The following TMEM132D variants were observed in gnomAD, a reference collection of about 807,000 sequenced individuals.
TMEM132D encodes the protein mature OL transmembrane protein.
TMEM132D carries 21 observed loss-of-function variants against 62.3 expected under a neutral mutation model. That is an observed-to-expected ratio of 0.34 (90% CI 0.24 to 0.49). The LOEUF is 0.49. Ranked by LOEUF, TMEM132D falls within the 20% of genes least tolerant of loss-of-function variation. The pLI is 0.99. For synonymous variants in TMEM132D, 621 were observed against 575.6 expected (o/e 1.08, Z -1.13); for missense variants, 1,346 against 1,402.8 (o/e 0.96, Z 0.65).
intron 8 of TMEM132D, among the ~76,000 whole-genome samples, chr12:129,077,498 T>TTTGTAAGCCATTGTATCCACATAC (rs2135609010): frequency 6.6e-6 from 1 of 152,066 alleles, no homozygotes; most frequent in East Asian, 1.9e-4. Context: ...AAAGGTCCCC[T>TTTGTAAGCCATTGTATCCACATAC]ATAACAGTCC....
chr12:129,193,425 A>G (rs1878464798), intron 5 of TMEM132D, among the ~76,000 whole-genome samples: 1 of 152,182 alleles, frequency 6.6e-6, no homozygotes, highest in Non-Finnish European at 1.5e-5. Flanking sequence ...CAGGCAGGTT[A>G]GAAACCCAGA....
intron 3 of TMEM132D, among the ~76,000 whole-genome samples, chr12:129,342,718 C>T (rs1869536838): frequency 6.6e-6 from 1 of 152,012 alleles, no homozygotes; most frequent in South Asian, 2.1e-4. Context: ...AGAACTCAAA[C>T]AAACTTACAA....
intron 3 of TMEM132D, among the ~76,000 whole-genome samples, chr12:129,399,045 T>G (rs976301812): frequency 1.3e-5 from 2 of 152,182 alleles, no homozygotes; most frequent in Non-Finnish European, 2.9e-5. Context: ...CATGGCAGGA[T>G]GTGGAAGGGC....
intron 1 of TMEM132D, among the ~76,000 whole-genome samples, chr12:129,763,890 A>G (rs1176539601): frequency 6.6e-6 from 1 of 152,182 alleles, no homozygotes; most frequent in Non-Finnish European, 1.5e-5. Flanking sequence ...AACCAAATTA[A>G]GAATCGAGAG....
intron 3 of TMEM132D, among the ~76,000 whole-genome samples, chr12:129,461,122 A>C (rs1482812691): frequency 6.6e-6 from 1 of 152,242 alleles, no homozygotes; most frequent in African/African-American, 2.4e-5. Context: ...TGGGGACCAC[A>C]GTCAACATGA....
At chr12:129,488,972 C>G (rs908642794) in intron 3 of TMEM132D, among the ~76,000 whole-genome samples, 2 of 152,148 alleles carry the variant, frequency 1.3e-5, no homozygotes, top group Non-Finnish European at 2.9e-5. Flanking sequence ...GTTCATGGGC[C>G]AAGGCTAAAG....
At chr12:129,620,219 C>T (rs771492522) in intron 2 of TMEM132D, among the ~76,000 whole-genome samples, 1 of 152,300 alleles carries the variant, frequency 6.6e-6, no homozygotes, top group South Asian at 2.1e-4. Flanking sequence ...CTGGAATTAC[C>T]GTGGCAGCCA....
rs1593070478 is a variant in TMEM132D at position 129,572,195 on chromosome 12, A to T, written c.969-40990T>A. On this transcript the variant is annotated intron_variant, in intron 2 of 8. Transcript: ENST00000422113. Reference sequence around the variant, plus strand: ...GGCACAGTCACATTTTAGGTGAACTAGAGTCACGTAGATTTGAGAGAAGGC... The same window carrying T: ...GGCACAGTCACATTTTAGGTGAACTTGAGTCACGTAGATTTGAGAGAAGGC... Among the ~76,000 whole-genome samples, 3 of 152,226 alleles carry T rather than the reference A, an allele frequency of 2.0e-5. 1 individual carries two copies. The East Asian group carries it at 5.8e-4, about 29-fold the overall frequency.
chr12:129,393,368 G>A (rs573903299), intron 3 of TMEM132D, among the ~76,000 whole-genome samples: 2 of 152,292 alleles, frequency 1.3e-5, no homozygotes, highest in East Asian at 3.9e-4. Context: ...CATCTTTTCT[G>A]GGGGGCAACT....
At chr12:129,106,176 C>T (rs1295419858) in intron 5 of TMEM132D, among the ~76,000 whole-genome samples, 1 of 150,040 alleles carries the variant, frequency 6.7e-6, no homozygotes, top group African/African-American at 2.5e-5. Context: ...AACAAAAAAC[C>T]AAACACCGCA....
At chr12:129,250,863 C>A (rs1163424480) in intron 4 of TMEM132D, among the ~76,000 whole-genome samples, 1 of 152,054 alleles carries the variant, frequency 6.6e-6, no homozygotes, top group African/African-American at 2.4e-5. Context: ...ATTTCCATGC[C>A]CAGGATTTCC....
chr12:129,108,004 C>A (rs565502598), intron 5 of TMEM132D, among the ~76,000 whole-genome samples: 35 of 152,218 alleles, frequency 2.3e-4, no homozygotes, highest in Admixed American at 1.8e-3. Flanking sequence ...GAACACAGGA[C>A]AATTCTTTGT....
Position 129,084,233 on chromosome 12 carries a change from T to G in TMEM132D, c.1649+264A>C, listed in dbSNP as rs145427504. Among the ~76,000 whole-genome samples the G allele has an allele frequency of 4.2e-3, 637 of 152,232 alleles. 3 individuals are homozygous for G. The highest frequency in any genetic ancestry group is 0.014 in the African/African-American group (592 of 41,558). The stretch of plus-strand genomic sequence containing the variant: ...CACAAAATCCCAGTGAGGATAAGAC[T>G]TAAATTCAGGACTTTGCTGGAACTA... On this transcript the variant is annotated intron_variant, in intron 6 of 8. Transcript: ENST00000422113.
intron 1 of TMEM132D, among the ~76,000 whole-genome samples, chr12:129,841,442 C>T (rs925057815): frequency 6.6e-6 from 1 of 152,180 alleles, no homozygotes; most frequent in East Asian, 1.9e-4. Flanking sequence ...GTTTAATCAA[C>T]CCTTGGTCCC....
intron 5 of TMEM132D, among the ~76,000 whole-genome samples, chr12:129,181,111 G>T (rs1477207820): frequency 6.6e-6 from 1 of 152,096 alleles, no homozygotes; most frequent in Non-Finnish European, 1.5e-5. Context: ...TCCAGGAAAT[G>T]CAACTGGCAC....
At chr12:129,667,412 A>G (rs946342070) in intron 2 of TMEM132D, among the ~76,000 whole-genome samples, 1 of 152,154 alleles carries the variant, frequency 6.6e-6, no homozygotes. Flanking sequence ...AAGAGAGAGA[A>G]AAGACAAATT....
chr12:129,568,645 C>T lies in TMEM132D; in HGVS notation c.969-37440G>A, dbSNP rs190797290. On this transcript the variant is annotated intron_variant, in intron 2 of 8. Transcript: ENST00000422113. The stretch of plus-strand genomic sequence containing the variant: ...GTTTCTGAAACAAAGTGTTTAAAGT[C>T]CTTGAAACATATTAAGCAACACAAA... 8.5e-4 allele frequency among the ~76,000 whole-genome samples: 130 copies of T among 152,280 alleles called. 1 individual carries two copies. Among genetic ancestry groups the T allele is most frequent in the South Asian group, 7.3e-3 (35 of 4,820 alleles).
At chr12:129,237,799 T>C (rs1403107126) in intron 4 of TMEM132D, among the ~76,000 whole-genome samples, 2 of 152,080 alleles carry the variant, frequency 1.3e-5, no homozygotes, top group African/African-American at 4.8e-5. Flanking sequence ...GCCAACATGG[T>C]GAAACCCTGT....
chr12:129,665,755 A>G (rs1258519812), intron 2 of TMEM132D, among the ~76,000 whole-genome samples: 1 of 152,154 alleles, frequency 6.6e-6, no homozygotes, highest in Non-Finnish European at 1.5e-5. Context: ...GAAAACATGT[A>G]TTTTATATAC....
Sources: allele counts gnomAD v4.1 joint callset (sites outside exome capture counted in the v4.1 genomes callset), GRCh38; gene constraint gnomAD v4.1.1; transcripts MANE v1.5; gene names NCBI Gene and HGNC (gene_info 2026-07-23, HGNC 2026-07-21).